Variants in GALNT13 observed in about 807,000 individuals in gnomAD.
GALNT13 encodes UDP-GalNAc:polypeptide N-acetylgalactosaminyltransferase 13.
GALNT13 carries 28 observed loss-of-function variants against 64.2 expected under a neutral mutation model. The observed-to-expected ratio is 0.44, with a 90% confidence interval of 0.32 to 0.60. The LOEUF is 0.60. GALNT13 is among the 20% of genes least tolerant of loss of function. GALNT13 has a pLI of 0.05. For synonymous variants in GALNT13, 214 were observed against 224.6 expected (o/e 0.95, Z 0.42); for missense variants, 577 against 669.8 (o/e 0.86, Z 1.53).
the GALNT13 span, among the ~76,000 whole-genome samples, chr2:153,168,955 C>T: frequency 6.6e-6 from 1 of 151,932 alleles, no homozygotes; most frequent in Admixed American, 6.6e-5. Context: ...AGCCTCTTTT[C>T]TTGTTACACT....
the GALNT13 span, among the ~76,000 whole-genome samples, chr2:153,610,243 C>G: frequency 6.6e-6 from 1 of 151,868 alleles, no homozygotes; most frequent in Admixed American, 6.6e-5. Context: ...TGCACATATA[C>G]GTACAAATAC....
At chr2:153,977,368 G>C (rs955096249) in intron 3 of GALNT13, among the ~76,000 whole-genome samples, 1 of 152,158 alleles carries the variant, frequency 6.6e-6, no homozygotes, top group Non-Finnish European at 1.5e-5. Context: ...GTTCCTCAAG[G>C]CTGGAGAAAC....
chr2:153,442,826 G>C, the GALNT13 span, among the ~76,000 whole-genome samples: 2 of 152,248 alleles, frequency 1.3e-5, no homozygotes, highest in Non-Finnish European at 2.9e-5. Context: ...TGAACTTCCC[G>C]AGTGGCTTTG....
chr2:153,553,494 G>A, the GALNT13 span, among the ~76,000 whole-genome samples: 12 of 152,202 alleles, frequency 7.9e-5, no homozygotes, highest in African/African-American at 2.9e-4. Context: ...AGAGTGAGAC[G>A]CTGTCTCAAA....
At chr2:153,908,626 A>T (rs942839830) in intron 2 of GALNT13, among the ~76,000 whole-genome samples, 2 of 152,100 alleles carry the variant, frequency 1.3e-5, no homozygotes, top group Admixed American at 6.6e-5. Context: ...CTGTTATCCA[A>T]GCACACTCCC....
chr2:153,135,219 C>A, the GALNT13 span, among the ~76,000 whole-genome samples: 1 of 152,180 alleles, frequency 6.6e-6, no homozygotes, highest in East Asian at 1.9e-4. Context: ...ATAAGGCTAC[C>A]AATCTTATTG....
chr2:154,259,289 G>C (rs1016937383), intron 8 of GALNT13, 151 bp downstream of exon 8: 4 of 569,024 alleles, frequency 7.0e-6, no homozygotes, highest in African/African-American at 6.0e-5. Context: ...TGATTTGACA[G>C]AGTCCTATTG....
the GALNT13 span, among the ~76,000 whole-genome samples, chr2:153,103,769 A>C: frequency 2.6e-5 from 4 of 152,224 alleles, no homozygotes; most frequent in Non-Finnish European, 4.4e-5. Context: ...TGCCTTATTC[A>C]TGACTGCATC....
intron 3 of GALNT13, among the ~76,000 whole-genome samples, chr2:154,074,877 T>C (rs757117541): frequency 6.6e-6 from 1 of 151,802 alleles, no homozygotes; most frequent in Admixed American, 6.6e-5. Context: ...ATCCTCAACA[T>C]ACTAGCCACT....
At chr2:154,438,922 A>G (rs1295531630) in intron 12 of GALNT13, among the ~76,000 whole-genome samples, 196 bp downstream of exon 12, 1 of 152,134 alleles carries the variant, frequency 6.6e-6, no homozygotes, top group Non-Finnish European at 1.5e-5. Flanking sequence ...CATTAATATA[A>G]AATATGAATG....
intron 2 of GALNT13, among the ~76,000 whole-genome samples, chr2:153,911,780 G>T (rs1688957958): frequency 6.6e-6 from 1 of 152,136 alleles, no homozygotes; most frequent in Non-Finnish European, 1.5e-5. Context: ...GAAGTTGGCT[G>T]TTAGTCTGAT....
chr2:153,637,567 GGA>G, the GALNT13 span, among the ~76,000 whole-genome samples: 1 of 152,136 alleles, frequency 6.6e-6, no homozygotes, highest in Non-Finnish European at 1.5e-5. Context: ...AACACAGGGA[GGA>G]GAGAGAAATA....
chr2:153,292,162 C>T, the GALNT13 span, among the ~76,000 whole-genome samples: 3 of 152,092 alleles, frequency 2.0e-5, no homozygotes. Flanking sequence ...TTCTGAAGCA[C>T]ATCACGGTGG....
At chr2:153,733,617 A>G in the GALNT13 span, among the ~76,000 whole-genome samples, 6 of 152,180 alleles carry the variant, frequency 3.9e-5, no homozygotes, top group Non-Finnish European at 8.8e-5. Flanking sequence ...CCTTTTTAGC[A>G]AAGACTTTTA....
At chr2:153,096,475 C>T in the GALNT13 span, among the ~76,000 whole-genome samples, 87 of 152,206 alleles carry the variant, frequency 5.7e-4, no homozygotes, top group African/African-American at 2.0e-3. Context: ...TTGAAGTCTC[C>T]AGGTATTATC....
chr2:153,860,419 T>C, the GALNT13 span, among the ~76,000 whole-genome samples: 1 of 151,012 alleles, frequency 6.6e-6, no homozygotes, highest in Non-Finnish European at 1.5e-5. Flanking sequence ...TGCTTGACTA[T>C]TTAGGACCAA....
the GALNT13 span, among the ~76,000 whole-genome samples, chr2:153,634,784 C>T: frequency 6.1e-4 from 92 of 151,870 alleles, no homozygotes; most frequent in Non-Finnish European, 1.2e-3. Context: ...CTCCTGACCT[C>T]GTGATCTGCC....
At chr2:153,963,731 CTGTGTGTGTGTGTG>C (rs58455059) in intron 3 of GALNT13, among the ~76,000 whole-genome samples, 6,932 of 100,734 alleles carry the variant, frequency 0.069, 363 homozygotes, top group African/African-American at 0.16. Context: ...CTCTCTCTCT[CTGTGTGTGTGTGTG>C]TGTGTGTGTG....
chr2:153,808,398 C>A, the GALNT13 span, among the ~76,000 whole-genome samples: 15 of 151,930 alleles, frequency 9.9e-5, no homozygotes, highest in Non-Finnish European at 2.2e-4. Context: ...CCCATTTTTT[C>A]TTTCTACTCT....
Sources: gnomAD v4.1 joint callset for allele counts (sites outside exome capture counted in the v4.1 genomes callset) on GRCh38, gnomAD v4.1.1 for gene constraint, MANE v1.5 for transcripts, NCBI Gene and HGNC (gene_info 2026-07-23, HGNC 2026-07-21) for gene names.